PLGRKT: variants seen among roughly 807,000 people sequenced by gnomAD.
PLGRKT encodes the protein plasminogen receptor (KT).
Under a neutral mutation model 18.5 loss-of-function variants are expected in PLGRKT, and 22 were observed. That is an observed-to-expected ratio of 1.19 (90% CI 0.85 to 1.70). The LOEUF is 1.70. Among genes scored for constraint, PLGRKT ranks in the 40% most tolerant of loss-of-function variants. PLGRKT has a pLI of 0.00. For synonymous variants in PLGRKT, 72 were observed against 52.8 expected (o/e 1.36, Z -1.58); for missense variants, 235 against 174.4 (o/e 1.35, Z -1.96).
rs28502427 is a variant in PLGRKT, at chr9:5,395,466, T to C, written c.82-33578A>G. 3.4e-3 allele frequency among the ~76,000 whole-genome samples: 512 copies of C among 152,046 alleles called. 14 individuals carry two copies. The highest frequency in any genetic ancestry group is 0.012 in the African/African-American group (478 of 41,318). The stretch of plus-strand genomic sequence containing the variant: ...CCTGGACAGTAGTTCTGACCATTGA[T>C]GTAAATAACTTTGCAGAATTATGGA... On this transcript the variant is annotated intron_variant, in intron 3 of 5. Transcript: ENST00000223864.
chr9:5,382,438 G>A (rs899708751), intron 3 of PLGRKT, among the ~76,000 whole-genome samples: 8 of 152,192 alleles, frequency 5.3e-5, no homozygotes, highest in Admixed American at 2.6e-4. Context: ...AGGAATGAGG[G>A]GCGAGAAATG....
At chr9:5,386,970 G>A (rs1817856081) in intron 3 of PLGRKT, among the ~76,000 whole-genome samples, 1 of 151,906 alleles carries the variant, frequency 6.6e-6, no homozygotes, top group African/African-American at 2.4e-5. Context: ...GAGTGAGCAA[G>A]GGAGAAAGTG....
chr9:5,433,427 T>G (rs1818877275), intron 2 of PLGRKT, among the ~76,000 whole-genome samples: 1 of 148,432 alleles, frequency 6.7e-6, no homozygotes, highest in African/African-American at 2.5e-5. Flanking sequence ...CTGCCCCATC[T>G]GGGAAGTGAG....
chr9:5,414,485 G>C (rs1291814418), intron 3 of PLGRKT, among the ~76,000 whole-genome samples: 1 of 152,010 alleles, frequency 6.6e-6, no homozygotes, highest in Non-Finnish European at 1.5e-5. Context: ...ATATAGCTTT[G>C]ACTATTAGAA....
At position 5,358,245 on chromosome 9, in the gene PLGRKT, G is replaced by A. The variant is rs1817180997; in HGVS notation, c.438C>T (p.Asp146=). 2.5e-6 allele frequency: 4 copies of A among 1,607,938 alleles called. No homozygotes were observed. In the South Asian group the frequency reaches 3.3e-5, roughly 13 times the overall value. The change falls in exon 6 of 6, where the codon GAC becomes GAT. Residue 146 remains aspartate (D), a synonymous_variant. Coordinates refer to ENST00000223864, the MANE Select transcript of PLGRKT (RefSeq NM_018465.4). ...TTGATTGGTAAGCATGATTTCATTTGTCTATGAAGAATCTACTCTGTTCCT... is the reference window on the plus strand; with the variant it reads ...TTGATTGGTAAGCATGATTTCATTTATCTATGAAGAATCTACTCTGTTCCT... ...ARKEQSRFFI[D]K
chr9:5,374,878 C>G (rs1304245399), intron 3 of PLGRKT, among the ~76,000 whole-genome samples: 1 of 151,972 alleles, frequency 6.6e-6, no homozygotes, highest in Non-Finnish European at 1.5e-5. Flanking sequence ...ATTCCTCAAA[C>G]TGAAAAAAAG....
chr9:5,367,030 T>TACACACACACACACAC (rs56259718), intron 3 of PLGRKT, among the ~76,000 whole-genome samples: 4 of 112,310 alleles, frequency 3.6e-5, no homozygotes, highest in African/African-American at 9.8e-5. Flanking sequence ...TACACACACA[T>TACACACACACACACAC]ACACACACAC....
rs1818498213 is a variant in PLGRKT at position 5,418,065 on chromosome 9, C to G, written c.81+13832G>C. ...AGTTTAACGTCTAAGTAGAATATGT[C>G]TATCTCGTAACGTGATTTTGAAAAA... On this transcript the variant is annotated intron_variant, in intron 3 of 5. Coordinates refer to ENST00000223864, the MANE Select transcript of PLGRKT (RefSeq NM_018465.4). The surrounding 1 kb of genome is among the most constrained non-coding windows in gnomAD (Gnocchi z 4.2). Among the ~76,000 whole-genome samples, 1 of 152,148 alleles carries G rather than the reference C, an allele frequency of 6.6e-6. No homozygotes were observed.
chr9:5,418,719 G>A lies in PLGRKT; in HGVS notation c.81+13178C>T. ...CGGGAAGTCTGATGAAGACCGGCAT[G>A]TGCTCCGAAGCGTGTGGAATGGTGA... On this transcript the variant is annotated intron_variant, in intron 3 of 5. Coordinates refer to ENST00000223864, the MANE Select transcript of PLGRKT (RefSeq NM_018465.4). This position sits in a 1 kb window ranked among gnomAD's most constrained non-coding sequence, Gnocchi z 4.2. 1 of 664,654 alleles carries A rather than the reference G, an allele frequency of 1.5e-6. No homozygotes were observed. The highest frequency in any genetic ancestry group is 2.8e-6 in the Non-Finnish European group (1 of 359,150). The allele number at this position is 664,654 out of a possible 1,614,324, so 41.2% of individuals were successfully genotyped here.
At chr9:5,366,055 A>C (rs760653928) in intron 3 of PLGRKT, among the ~76,000 whole-genome samples, 1 of 152,202 alleles carries the variant, frequency 6.6e-6, no homozygotes, top group Non-Finnish European at 1.5e-5. Context: ...GTTAATTATC[A>C]ATTAAAATGT....
intron 3 of PLGRKT, among the ~76,000 whole-genome samples, chr9:5,365,479 G>C (rs1485842371): frequency 6.6e-6 from 1 of 151,416 alleles, no homozygotes; most frequent in Non-Finnish European, 1.5e-5. Context: ...CTTCAAAGAA[G>C]TGGAGCTTAA....
At chr9:5,404,859 G>C (rs1283395351) in intron 3 of PLGRKT, among the ~76,000 whole-genome samples, 1 of 152,146 alleles carries the variant, frequency 6.6e-6, no homozygotes, top group Non-Finnish European at 1.5e-5. Context: ...CAGATGACAT[G>C]ACCCTTTACC....
At chr9:5,422,779 A>C (rs567567473) in intron 3 of PLGRKT, among the ~76,000 whole-genome samples, 2 of 152,360 alleles carry the variant, frequency 1.3e-5, no homozygotes, top group Admixed American at 6.5e-5. Flanking sequence ...AAAAAGGGGC[A>C]AAAAGGCAAA....
chr9:5,408,655 A>T (rs1818303358), intron 3 of PLGRKT, among the ~76,000 whole-genome samples: 1 of 152,374 alleles, frequency 6.6e-6, no homozygotes, highest in East Asian at 1.9e-4. Flanking sequence ...AGGCTGCATC[A>T]ATTTGCATAA....
chr9:5,425,328 T>G (rs1424620153), intron 3 of PLGRKT, among the ~76,000 whole-genome samples: 2 of 152,220 alleles, frequency 1.3e-5, no homozygotes, highest in African/African-American at 2.4e-5. Flanking sequence ...AACTGAAGTT[T>G]GTTGATAATC....
Position 5,362,884 on chromosome 9 carries a change from G to C in PLGRKT, c.82-996C>G, listed in dbSNP as rs147112026. 1.2e-3 allele frequency among the ~76,000 whole-genome samples: 185 copies of C among 152,192 alleles called. 1 individual carries two copies. Among genetic ancestry groups the C allele is most frequent in the African/African-American group, 4.4e-3 (181 of 41,528 alleles). On this transcript the variant is annotated intron_variant, in intron 3 of 5. Coordinates refer to ENST00000223864, the MANE Select transcript of PLGRKT (RefSeq NM_018465.4). ...GGGAATCCCTAAACAGAGAAGACTT[G>C]TGGCCTTGCTTCCTGCGGAGAATTC...
At chr9:5,410,120 CCTATTCATTTTT>C (rs1210826391) in intron 3 of PLGRKT, among the ~76,000 whole-genome samples, 1 of 152,020 alleles carries the variant, frequency 6.6e-6, no homozygotes, top group African/African-American at 2.4e-5. Context: ...CTTAATTGTA[CCTATTCATTTTT>C]CTATTTGTGA....
At chr9:5,382,126 A>G (rs1423265479) in intron 3 of PLGRKT, 4 of 503,974 alleles carry the variant, frequency 7.9e-6, no homozygotes, top group African/African-American at 2.1e-5. Context: ...AAAATAAACT[A>G]TTCATGATGA....
intron 5 of PLGRKT, among the ~76,000 whole-genome samples, chr9:5,359,426 A>G (rs1817212493): frequency 6.6e-6 from 1 of 152,182 alleles, no homozygotes; most frequent in Admixed American, 6.5e-5. Context: ...GAGCATTTCA[A>G]TCATCTGCAA....
Sources: gnomAD v4.1 joint callset for allele counts (sites outside exome capture counted in the v4.1 genomes callset) on GRCh38, gnomAD v4.1.1 for gene constraint, Gnocchi (gnomAD v3.1) non-coding constraint, MANE v1.5 for transcripts, NCBI Gene and HGNC (gene_info 2026-07-23, HGNC 2026-07-21) for gene names.